EED: variants seen among roughly 807,000 people sequenced by gnomAD.
EED encodes the protein polycomb protein EED.
In EED, 9 loss-of-function variants were observed where a neutral mutation model predicts 61.0. That is an observed-to-expected ratio of 0.15 (90% CI 0.09 to 0.26). The LOEUF (loss-of-function observed/expected upper bound fraction) is 0.26, where lower values mean the gene tolerates loss of function less well. Ranked by LOEUF, EED falls within the 10% of genes least tolerant of loss-of-function variation. EED has a pLI of 1.00. For synonymous variants in EED, 187 were observed against 174.4 expected (o/e 1.07, Z -0.57); for missense variants, 315 against 542.3 (o/e 0.58, Z 4.16).
rs1945497213 is a variant in EED, at chr11:86,250,278, C to T, written c.115-18C>T. The T allele has an allele frequency of 6.8e-7, 1 of 1,472,654 alleles. No homozygotes were observed. The allele number at this position is 1,472,654 out of a possible 1,614,324, so 91.2% of individuals were successfully genotyped here. A position where few individuals can be genotyped will look rare whatever the true frequency, so the allele number is the denominator to read the frequency against. On this transcript the variant is annotated intron_variant, in intron 1 of 11. Coordinates refer to ENST00000263360, the MANE Select transcript of EED (RefSeq NM_003797.5). ...GTATTGCTGTTTCATGTAATTTTTC[C>T]TCATTTACTGCTTACAGGATGACGC...
chr11:86,275,647 G>A (rs1946210704), intron 9 of EED, among the ~76,000 whole-genome samples: 1 of 152,168 alleles, frequency 6.6e-6, no homozygotes, highest in South Asian at 2.1e-4. Context: ...CACTTGAAGA[G>A]CTATTTTACA....
At chr11:86,268,621 G>GTGTGTGTT in intron 9 of EED, 60 bp downstream of exon 9, 1 of 1,114,472 alleles carries the variant, frequency 9.0e-7, no homozygotes, top group Non-Finnish European at 1.3e-6. Context: ...GTGTGTGTGT[G>GTGTGTGTT]TGTGTATGTG....
At chr11:86,259,438 A>C (rs1945770542) in intron 6 of EED, among the ~76,000 whole-genome samples, 1 of 151,988 alleles carries the variant, frequency 6.6e-6, no homozygotes, top group Non-Finnish European at 1.5e-5. Context: ...CAACCTACCA[A>C]GTAGTTAGGA....
chr11:86,266,172 T>G lies in EED; in HGVS notation c.816T>G (p.Asn272Lys). 6.2e-7 allele frequency: 1 copy of G among 1,605,322 alleles called. No individual in the cohort carries two copies. The highest frequency in any genetic ancestry group is 8.5e-7 in the Non-Finnish European group (1 of 1,173,752). Reference protein sequence around the residue: ...LWRINSKRMMNAIKESYDYNP... With the variant: ...LWRINSKRMMKAIKESYDYNP... The stretch of plus-strand genomic sequence containing the variant: ...GGATCAATTCAAAGAGAATGATGAA[T>G]GCAATTAAGGAATCTTATGATTATA... Residue 272 changes from asparagine to lysine, a missense_variant, in exon 8 of 12, where the codon AAT (asparagine) becomes AAG (lysine). Asn to Lys is a moderately conservative substitution (Grantham distance 94, BLOSUM62 0). Around this residue, in one of 2 missense-constraint regions of EED, gnomAD observed 205 missense variants for 455.4 expected, o/e 0.45. Coordinates refer to ENST00000263360, the MANE Select transcript of EED (RefSeq NM_003797.5).
At chr11:86,249,007 G>A (rs1945460157) in intron 1 of EED, among the ~76,000 whole-genome samples, 1 of 152,094 alleles carries the variant, frequency 6.6e-6, no homozygotes, top group Non-Finnish European at 1.5e-5. Flanking sequence ...TCAAAAAAGA[G>A]TTGTAAGATA....
chr11:86,262,824 T>C (rs1266597813), intron 6 of EED, among the ~76,000 whole-genome samples: 1 of 151,052 alleles, frequency 6.6e-6, no homozygotes, highest in Admixed American at 6.6e-5. Flanking sequence ...TTTTTTTTTT[T>C]TTCTTTTAAA....
intron 8 of EED, 135 bp downstream of exon 8, chr11:86,266,351 A>G (rs1945978282): frequency 1.4e-6 from 1 of 702,288 alleles, no homozygotes; most frequent in African/African-American, 1.8e-5. Context: ...GACAATTTAC[A>G]TACTGTAAAA....
chr11:86,277,328 A>C (rs918771299), intron 10 of EED, 190 bp downstream of exon 10: 18 of 468,404 alleles, frequency 3.8e-5, no homozygotes, highest in African/African-American at 3.6e-4. Context: ...GTGGCTCTGC[A>C]TATGATCTGC....
chr11:86,257,185 TTGTGTGTG>T (rs71040223), intron 5 of EED, among the ~76,000 whole-genome samples: 3,670 of 143,456 alleles, frequency 0.026, 143 homozygotes, highest in East Asian at 0.13. Context: ...AATTTTTAAT[TTGTGTGTG>T]TGTGTGTGTG....
At chr11:86,251,811 T>G (rs984973876) in intron 2 of EED, among the ~76,000 whole-genome samples, 1 of 152,226 alleles carries the variant, frequency 6.6e-6, no homozygotes. Flanking sequence ...TGTGTCCTTT[T>G]GTATCCACCA....
chr11:86,276,450 A>G (rs1946232273), intron 9 of EED: 1 of 152,190 alleles, frequency 6.6e-6, no homozygotes, highest in South Asian at 2.1e-4. Context: ...CTTTCCTAAG[A>G]TACCTGTTGA....
At chr11:86,281,886 C>G (rs141166804), downstream of EED, among the ~76,000 whole-genome samples, 44 of 152,264 alleles carry the variant, frequency 2.9e-4, no homozygotes, top group African/African-American at 1.0e-3. Flanking sequence ...CAGTATATTT[C>G]TTACACAGTG....
the EED span, chr11:86,284,145 C>T: frequency 6.6e-6 from 1 of 152,258 alleles, no homozygotes; most frequent in Admixed American, 6.5e-5. Flanking sequence ...CAATTGATGC[C>T]ATATCCCTGT....
At chr11:86,275,162 T>G (rs1422840030) in intron 9 of EED, among the ~76,000 whole-genome samples, 1 of 152,198 alleles carries the variant, frequency 6.6e-6, no homozygotes, top group African/African-American at 2.4e-5. Context: ...GTTCCAAGGT[T>G]TCTAACTTGT....
intron 1 of EED, among the ~76,000 whole-genome samples, chr11:86,249,447 T>G (rs1945471231): frequency 6.6e-6 from 1 of 151,940 alleles, no homozygotes; most frequent in Non-Finnish European, 1.5e-5. Flanking sequence ...GATCCTAGAT[T>G]AAATAAATCT....
chr11:86,251,311 G>C (rs10898455), intron 2 of EED, among the ~76,000 whole-genome samples: 41,189 of 152,054 alleles, frequency 0.27, 6,115 homozygotes, highest in Non-Finnish European at 0.35. Flanking sequence ...GTCAATTATA[G>C]TTTCATGTGC....
rs759736352 is a variant in EED at position 86,245,280 on chromosome 11, G to T, written c.51G>T (p.Ala17=). 1.2e-6 allele frequency: 2 copies of T among 1,613,520 alleles called. No homozygotes were observed. The highest frequency in any genetic ancestry group is 4.5e-5 in the East Asian group (2 of 44,778). Reference sequence around the variant, plus strand: ...CGCCGGCGGGAACAGACATGCCTGCGGCCAAGAAGCAGAAGCTGAGCAGTG... The same window carrying T: ...CGCCGGCGGGAACAGACATGCCTGCTGCCAAGAAGCAGAAGCTGAGCAGTG... ...STAPAGTDMP[A]AKKQKLSSDE... is the part of the protein sequence containing the mutation. The change falls in exon 1 of 12, where the codon GCG becomes GCT. Residue 17 remains alanine, a synonymous_variant. Transcript: ENST00000263360.
chr11:86,254,854 C>T (rs896389123), intron 3 of EED, among the ~76,000 whole-genome samples: 1 of 152,172 alleles, frequency 6.6e-6, no homozygotes, highest in African/African-American at 2.4e-5. Context: ...ATCTCTTGAC[C>T]TCATGATCCG....
chr11:86,247,562 G>A (rs1348554507), intron 1 of EED, among the ~76,000 whole-genome samples: 1 of 152,156 alleles, frequency 6.6e-6, no homozygotes, highest in African/African-American at 2.4e-5. Context: ...CATTAAGCAT[G>A]TGTTACCTAG....
Sources: gnomAD v4.1 joint callset for allele counts (sites outside exome capture counted in the v4.1 genomes callset) on GRCh38, gnomAD v4.1.1 for gene constraint, gnomAD v4.1.1 regional missense constraint, MANE v1.5 for transcripts, NCBI Gene and HGNC (gene_info 2026-07-23, HGNC 2026-07-21) for gene names.